The following MUS81 variants were observed in gnomAD, a reference collection of about 807,000 sequenced individuals.
The protein encoded by MUS81 is structure-specific endonuclease subunit MUS81.
Under a neutral mutation model 74.2 loss-of-function variants are expected in MUS81, and 69 were observed. The ratio of observed to expected loss-of-function variants is 0.93; its 90% CI spans 0.77 to 1.14. The LOEUF (loss-of-function observed/expected upper bound fraction) is 1.14, where lower values mean the gene tolerates loss of function less well. Among genes scored for constraint, MUS81 ranks in the 50% most tolerant of loss-of-function variants. The pLI is 0.00. For missense variants in MUS81, 711 were observed against 726.5 expected, an observed-to-expected ratio of 0.98 and a Z score of 0.25; for synonymous variants, 303 against 300.6, an observed-to-expected ratio of 1.01 and a Z score of -0.08.
rs370932565 is a variant in MUS81, at chr11:65,862,201, T to A, written c.451-10T>A. On this transcript the variant is annotated splice_polypyrimidine_tract_variant and intron_variant, in intron 4 of 15. Coordinates refer to ENST00000308110, the MANE Select transcript of MUS81 (RefSeq NM_025128.5). Reference sequence around the variant, plus strand: ...CTGAGCCTACCCTGTCTTTTCTACCTTGGTTTCAGAATCCTAATGGTCACC... The same window carrying A: ...CTGAGCCTACCCTGTCTTTTCTACCATGGTTTCAGAATCCTAATGGTCACC... The A allele has an allele frequency of 1.8e-4, 291 of 1,613,220 alleles. No homozygotes were observed. Among genetic ancestry groups the A allele is most frequent in the Non-Finnish European group, 2.3e-4 (276 of 1,179,912 alleles).
downstream of MUS81, chr11:65,867,067 C>G (rs543567156): frequency 1.9e-6 from 3 of 1,614,082 alleles, no homozygotes; most frequent in Middle Eastern, 1.7e-4. Flanking sequence ...ATGGCGCTGA[C>G]GTTGTTGATT....
intron 3 of MUS81, 22 bp from the exon 4 acceptor site, chr11:65,861,925 A>C: frequency 6.3e-7 from 1 of 1,584,522 alleles, no homozygotes; most frequent in South Asian, 1.1e-5. Context: ...TTTCATGTTC[A>C]GAACTCCTCT....
chr11:65,860,192 C>T, upstream of MUS81: 1 of 448,208 alleles, frequency 2.2e-6, no homozygotes, highest in Non-Finnish European at 4.5e-6. Context: ...GGTGTCCCTC[C>T]CACCAATACG....
chr11:65,861,757 C>G (rs1302849743), intron 3 of MUS81, 190 bp from the exon 4 acceptor site: 4 of 623,036 alleles, frequency 6.4e-6, no homozygotes, highest in Admixed American at 2.9e-5. Context: ...GACACCCCCA[C>G]CCACTGCCCC....
chr11:65,866,826 TTC>T, downstream of MUS81: 2 of 1,525,750 alleles, frequency 1.3e-6, no homozygotes, highest in Admixed American at 1.8e-5. Flanking sequence ...CACCAGGACT[TTC>T]TTTCTCCCTT....
rs1273749144 is a variant in MUS81, at chr11:65,865,335, A to G, written c.1505+12A>G. The G allele has an allele frequency of 6.2e-7, 1 of 1,609,538 alleles. No individual in the cohort carries two copies. On this transcript the variant is annotated intron_variant, in intron 14 of 15. Coordinates refer to ENST00000308110, the MANE Select transcript of MUS81 (RefSeq NM_025128.5). ...AGCACCCCTGCCAGGTAGGCCCTAAAGGGCCCTTAGGTGTCCTCAGCCCCT... is the reference window on the plus strand; with the variant it reads ...AGCACCCCTGCCAGGTAGGCCCTAAGGGGCCCTTAGGTGTCCTCAGCCCCT...
upstream of MUS81, among the ~76,000 whole-genome samples, chr11:65,859,737 G>A (rs1469440446): frequency 6.6e-6 from 1 of 152,214 alleles, no homozygotes; most frequent in Non-Finnish European, 1.5e-5. Context: ...AAACCCTGGC[G>A]GGTCGCCTGT....
At chr11:65,865,357 C>A in intron 14 of MUS81, 34 bp downstream of exon 14, 1 of 1,586,126 alleles carries the variant, frequency 6.3e-7, no homozygotes, top group Non-Finnish European at 8.6e-7. Context: ...TGTCCTCAGC[C>A]CCTGCCCTCC....
intron 8 of MUS81, 29 bp downstream of exon 8, chr11:65,863,531 A>G: frequency 6.2e-7 from 1 of 1,613,958 alleles, no homozygotes; most frequent in Non-Finnish European, 8.5e-7. Flanking sequence ...AACGAGGGAG[A>G]TGATCAGAGG....
rs1310768202 is a variant in MUS81 at position 65,861,967 on chromosome 11, G to A, written c.372G>A (p.Ala124=). 5.0e-6 allele frequency: 8 copies of A among 1,611,078 alleles called. No homozygotes were observed. Among genetic ancestry groups the A allele is most frequent in the East Asian group, 2.2e-5 (1 of 44,806 alleles). Residue 124 remains alanine, a synonymous_variant, in exon 4 of 16, where the codon GCG becomes GCA. Transcript: ENST00000308110. ...SSMPVPAQPK[A]GGSGSYWPAR... ...TTCAGGTTCCTGCCCAGCCCAAAGC[G>A]GGAGGCTCTGGCAGCTACTGGCCAG...
At chr11:65,861,651 C>A in intron 3 of MUS81, 2 of 604,520 alleles carry the variant, frequency 3.3e-6, no homozygotes, top group Admixed American at 3.0e-5. Flanking sequence ...ACTTAAGGAT[C>A]CCAGCTCAGT....
Position 65,860,785 on chromosome 11 carries a change from G to A in MUS81, c.32G>A (p.Arg11His), listed in dbSNP as rs768885045. Residue 11 changes from arginine to histidine, a missense_variant, in exon 1 of 16, where the codon CGC (arginine) becomes CAC (histidine). Transcript: ENST00000308110. ...GCCCCGGTCCGCCTGGGCCGGAAGC[G>A]CCCGCTGCCTGCCTGTCCCAACCCG... MAAPVRLGRK[R>H]PLPACPNPLF... 4.3e-5 allele frequency: 66 copies of A among 1,537,850 alleles called. 2 individuals carry two copies. The South Asian group carries it at 7.5e-4, about 17-fold the overall frequency.
intron 3 of MUS81, 61 bp downstream of exon 3, chr11:65,861,496 C>A: frequency 6.9e-7 from 1 of 1,459,616 alleles, no homozygotes; most frequent in Non-Finnish European, 9.3e-7. Flanking sequence ...GATTTTCTGG[C>A]TTGGGGGATT....
downstream of MUS81, chr11:65,866,984 G>T (rs1208893386): frequency 1.2e-6 from 2 of 1,614,078 alleles, no homozygotes; most frequent in Non-Finnish European, 1.7e-6. Flanking sequence ...AGCTCATGAG[G>T]GAATTCATGG....
Position 65,860,509 on chromosome 11 carries a change from G to T in MUS81, c.-245G>T, listed in dbSNP as rs1235510821. 1 of 592,442 alleles carries T rather than the reference G, an allele frequency of 1.7e-6. No homozygotes were observed. Among genetic ancestry groups the T allele is most frequent in the African/African-American group, 1.9e-5 (1 of 53,644 alleles). 36.7% of individuals were successfully genotyped at this position (592,442 alleles called of 1,614,324 possible). ...AAGGCTGGCTGGAGTGGAGCCAAGG[G>T]AAAAGATCGTTAGAGACAGCGCCCC... On this transcript the variant is annotated 5_prime_UTR_variant, in exon 1 of 16. Transcript: ENST00000308110.
Position 65,863,125 on chromosome 11 carries a change from G to A in MUS81, c.666G>A (p.Leu222=). 2 of 1,614,180 alleles carry A rather than the reference G, an allele frequency of 1.2e-6. No individual in the cohort carries two copies. Among genetic ancestry groups the A allele is most frequent in the Non-Finnish European group, 1.7e-6 (2 of 1,180,022 alleles). The change falls in exon 7 of 16, where the codon CTG becomes CTA. Residue 222 remains leucine, a synonymous_variant. Coordinates refer to ENST00000308110, the MANE Select transcript of MUS81 (RefSeq NM_025128.5). ...AGAAGTTGGCCGAGTCAGAAGGCCT[G>A]AGCTTGCTGAATGTGGGCATCGGGC... ...LAQKLAESEG[L]SLLNVGIGPK...
chr11:65,861,714 C>T (rs1168353947), intron 3 of MUS81: 5 of 605,144 alleles, frequency 8.3e-6, no homozygotes, highest in Non-Finnish European at 1.5e-5. Flanking sequence ...ACCTGTCCTG[C>T]AGCGCATGGT....
rs1189828521 is a variant in MUS81 at position 65,860,798 on chromosome 11, C to T, written c.45C>T (p.Ala15=). ...VRLGRKRPLP[A]CPNPLFVRWL... is the part of the protein sequence containing the mutation. The stretch of plus-strand genomic sequence containing the variant: ...TGGGCCGGAAGCGCCCGCTGCCTGC[C>T]TGTCCCAACCCGCTCTTCGTTCGCT... Residue 15 remains alanine, a synonymous_variant, in exon 1 of 16, where the codon GCC becomes GCT. Transcript: ENST00000308110. 7.8e-6 allele frequency: 12 copies of T among 1,543,012 alleles called. No homozygotes were observed. The highest frequency in any genetic ancestry group is 9.6e-6 in the Non-Finnish European group (11 of 1,147,768).
chr11:65,866,327 G>A lies in MUS81; in HGVS notation c.*275G>A. The A allele has an allele frequency of 1.7e-6, 1 of 600,934 alleles. No homozygotes were observed. Among genetic ancestry groups the A allele is most frequent in the Non-Finnish European group, 2.9e-6 (1 of 340,864 alleles). 37.2% of individuals were successfully genotyped at this position (600,934 alleles called of 1,614,324 possible). A position where few individuals can be genotyped will look rare whatever the true frequency, so the allele number is the denominator to read the frequency against. On this transcript the variant is annotated 3_prime_UTR_variant, in exon 16 of 16. Transcript: ENST00000308110. ...CATTGCAGCTTGGAATCTATTTTAT[G>A]TCACCAGTTGGTCCTCATCAAATAA...
Sources: allele counts gnomAD v4.1 joint callset (sites outside exome capture counted in the v4.1 genomes callset), GRCh38; gene constraint gnomAD v4.1.1; transcripts MANE v1.5; gene names NCBI Gene and HGNC (gene_info 2026-07-23, HGNC 2026-07-21).